The following VAV3 variants were observed in gnomAD, a reference collection of about 807,000 sequenced individuals.
VAV3 encodes guanine nucleotide exchange factor VAV3.
Under a neutral mutation model 131.2 loss-of-function variants are expected in VAV3, and 94 were observed. That is an observed-to-expected ratio of 0.72 (90% CI 0.61 to 0.85). The LOEUF (loss-of-function observed/expected upper bound fraction) is 0.85, where lower values mean the gene tolerates loss of function less well. Ranked by LOEUF, VAV3 falls within the 40% of genes least tolerant of loss-of-function variation. The probability of loss-of-function intolerance (pLI) is 0.00; values close to 1 mark genes in which losing one functional copy is unlikely to be tolerated. For synonymous variants in VAV3, 349 were observed against 342.0 expected, an observed-to-expected ratio of 1.02 and a Z score of -0.22; for missense variants, 939 against 1,002.7, an observed-to-expected ratio of 0.94 and a Z score of 0.86.
At position 107,881,106 on chromosome 1, in the gene VAV3, C is replaced by G. The variant is rs1448645197; in HGVS notation, c.205-6089G>C. 5.9e-5 allele frequency among the ~76,000 whole-genome samples: 9 copies of G among 152,264 alleles called. No homozygotes were observed. In the South Asian group the frequency reaches 1.7e-3, roughly 28 times the overall value. On this transcript the variant is annotated intron_variant, in intron 1 of 26. Transcript: ENST00000370056. ...CCTTAACTACTATGTTATATTAACTCCATTTTTGCAGCTTATAGAATTAAA... is the reference window on the plus strand; with the variant it reads ...CCTTAACTACTATGTTATATTAACTGCATTTTTGCAGCTTATAGAATTAAA...
chr1:107,848,257 G>A (rs1669060436), intron 2 of VAV3, among the ~76,000 whole-genome samples: 1 of 148,434 alleles, frequency 6.7e-6, no homozygotes, highest in South Asian at 2.1e-4. Flanking sequence ...AGCTTGCAGT[G>A]AGCCAAGATC....
intron 1 of VAV3, among the ~76,000 whole-genome samples, chr1:107,940,852 T>C (rs1230694440): frequency 6.6e-6 from 1 of 152,092 alleles, no homozygotes; most frequent in Non-Finnish European, 1.5e-5. Context: ...GTATAGAGTT[T>C]CAGTTGGGGA....
chr1:107,589,116 G>T (rs1650736021), intron 25 of VAV3, among the ~76,000 whole-genome samples: 1 of 152,018 alleles, frequency 6.6e-6, no homozygotes, highest in South Asian at 2.1e-4. Context: ...ATGACAAAAA[G>T]AAAAATTAGA....
At chr1:107,839,696 T>C (rs142176944) in intron 2 of VAV3, among the ~76,000 whole-genome samples, 189 of 151,954 alleles carry the variant, frequency 1.2e-3, no homozygotes, top group African/African-American at 4.2e-3. Context: ...TCAACAAAAT[T>C]GGAAACAGGT....
rs150599936 is a variant in VAV3 at position 107,880,978 on chromosome 1, C to T, written c.205-5961G>A. ...AGAAAAGTTTTAATTTTTTTTTAAA[C>T]ACATACTGAGGCTTAGAGATTTACC... On this transcript the variant is annotated intron_variant, in intron 1 of 26. Transcript: ENST00000370056. Among the ~76,000 whole-genome samples, 628 of 152,116 alleles carry T rather than the reference C, an allele frequency of 4.1e-3. 5 individuals carry two copies. Among genetic ancestry groups the T allele is most frequent in the African/African-American group, 0.014 (590 of 41,500 alleles).
intron 15 of VAV3, among the ~76,000 whole-genome samples, chr1:107,716,197 C>T (rs1357681400): frequency 2.0e-5 from 3 of 152,082 alleles, no homozygotes; most frequent in Non-Finnish European, 4.4e-5. Context: ...TGAATCAAGG[C>T]CACTATCAAC....
chr1:107,871,924 C>G lies in VAV3; in HGVS notation c.321+2977G>C, dbSNP rs79245617. On this transcript the variant is annotated intron_variant, in intron 2 of 26. Transcript: ENST00000370056. ...CCTATTTAGAGTAAACAACTTTAAC[C>G]ACCACTGGGCTGCAGACTCATGCAG... is the stretch of plus-strand genomic sequence containing the variant. Among the ~76,000 whole-genome samples, 1,457 of 152,244 alleles carry G rather than the reference C, an allele frequency of 9.6e-3. 18 individuals are homozygous for G. The highest frequency in any genetic ancestry group is 0.033 in the African/African-American group (1,385 of 41,558).
At chr1:107,658,847 C>T (rs187329776) in intron 19 of VAV3, among the ~76,000 whole-genome samples, 4 of 151,776 alleles carry the variant, frequency 2.6e-5, no homozygotes, top group East Asian at 1.9e-4. Flanking sequence ...TTCTGGATAT[C>T]ACACCTTTGT....
intron 2 of VAV3, among the ~76,000 whole-genome samples, chr1:107,791,327 G>A (rs1186110534): frequency 1.3e-5 from 2 of 151,864 alleles, no homozygotes; most frequent in East Asian, 3.9e-4. Context: ...TGTTTTCTAG[G>A]AGAACTGTGC....
chr1:107,904,363 G>A (rs930370811), intron 1 of VAV3, among the ~76,000 whole-genome samples: 1 of 152,194 alleles, frequency 6.6e-6, no homozygotes, highest in African/African-American at 2.4e-5. Context: ...TAAGAATGAT[G>A]TCTTCATTTC....
chr1:107,854,515 TTAGA>T lies in VAV3; in HGVS notation c.321+20382_321+20385del. ...GATTATGTTGATGGAATCTAATATA[TTAGA>T]TAACTTCATTCACTGACTCCATGTG... On this transcript the variant is annotated intron_variant, in intron 2 of 26. Transcript: ENST00000370056. 2.0e-5 allele frequency among the ~76,000 whole-genome samples: 3 copies of T among 152,318 alleles called. No homozygotes were observed. The South Asian group carries it at 6.2e-4, about 32-fold the overall frequency.
intron 2 of VAV3, among the ~76,000 whole-genome samples, chr1:107,864,437 C>T (rs1466493867): frequency 1.3e-5 from 2 of 152,074 alleles, no homozygotes; most frequent in African/African-American, 4.8e-5. Context: ...GTCTGGGCAA[C>T]ATGGCAAAAC....
At chr1:107,824,450 A>C (rs1667927449) in intron 2 of VAV3, among the ~76,000 whole-genome samples, 1 of 152,214 alleles carries the variant, frequency 6.6e-6, no homozygotes, top group South Asian at 2.1e-4. Context: ...AATGACATGT[A>C]CATTTTCAGA....
intron 2 of VAV3, among the ~76,000 whole-genome samples, chr1:107,856,085 C>T (rs1179030701): frequency 6.6e-6 from 1 of 152,116 alleles, no homozygotes. Flanking sequence ...AGCAAGCTCA[C>T]AAATGACACT....
intron 17 of VAV3, among the ~76,000 whole-genome samples, chr1:107,700,914 C>A (rs188937435): frequency 2.5e-4 from 38 of 152,304 alleles, no homozygotes; most frequent in African/African-American, 9.1e-4. Context: ...TACATTCCCA[C>A]CAACAGTATA....
chr1:107,632,296 T>C (rs1176616796), intron 20 of VAV3, among the ~76,000 whole-genome samples: 2 of 152,178 alleles, frequency 1.3e-5, no homozygotes, highest in Non-Finnish European at 2.9e-5. Flanking sequence ...TCTTAATCTC[T>C]GGAAGTGAGG....
At chr1:107,655,472 C>A (rs1195633223) in intron 19 of VAV3, among the ~76,000 whole-genome samples, 1 of 152,010 alleles carries the variant, frequency 6.6e-6, no homozygotes, top group East Asian at 1.9e-4. Flanking sequence ...AAAATCAAAG[C>A]AAACTATATT....
chr1:107,717,037 T>C (rs1365348833), intron 15 of VAV3, among the ~76,000 whole-genome samples: 6 of 152,358 alleles, frequency 3.9e-5, no homozygotes, highest in South Asian at 2.1e-4. Context: ...GAGGTGTTTA[T>C]AGTATTCTCT....
intron 2 of VAV3, among the ~76,000 whole-genome samples, chr1:107,808,930 G>T (rs956232141): frequency 6.6e-6 from 1 of 152,112 alleles, no homozygotes; most frequent in Non-Finnish European, 1.5e-5. Flanking sequence ...GGACCAAAGA[G>T]TAAGAACATT....
Sources: allele counts gnomAD v4.1 joint callset (sites outside exome capture counted in the v4.1 genomes callset), GRCh38; gene constraint gnomAD v4.1.1; transcripts MANE v1.5; gene names NCBI Gene and HGNC (gene_info 2026-07-23, HGNC 2026-07-21).